Variants in NF1 observed in about 807,000 individuals in gnomAD.
NF1 encodes neurofibromin 1, also known as neurofibromin.
Under a neutral mutation model 325.7 loss-of-function variants are expected in NF1, and 122 were observed. That is an observed-to-expected ratio of 0.37 (90% CI 0.32 to 0.44). The LOEUF is 0.44. NF1 is among the 20% of genes least tolerant of loss of function. The probability of loss-of-function intolerance (pLI) is 1.00; values close to 1 mark genes in which losing one functional copy is unlikely to be tolerated. For missense variants in NF1, 2,140 were observed against 3,415.4 expected, an observed-to-expected ratio of 0.63 and a Z score of 9.31; for synonymous variants, 1,091 against 1,186.0, an observed-to-expected ratio of 0.92 and a Z score of 1.65.
rs145556333 is a variant in NF1 at position 31,365,209 on chromosome 17, G to T, written c.8377+4506G>T. Among the ~76,000 whole-genome samples the T allele has an allele frequency of 1.8e-4, 27 of 148,908 alleles. 1 individual carries two copies. The East Asian group carries it at 5.3e-3, about 29-fold the overall frequency. On this transcript the variant is annotated intron_variant, in intron 57 of 57. Coordinates refer to ENST00000358273, the MANE Select transcript of NF1 (RefSeq NM_001042492.3). ...CTGGGGTGGGAGAATCACCTGAGCC[G>T]GAGAGGTCAAGGCTGTGGTGAGCTG...
chr17:31,351,552 G>A (rs1306795678), intron 50 of NF1, among the ~76,000 whole-genome samples: 1 of 152,160 alleles, frequency 6.6e-6, no homozygotes, highest in Non-Finnish European at 1.5e-5. Flanking sequence ...GAGTAGCTGG[G>A]ATTACAGGCG....
chr17:31,174,773 A>G (rs978586248), intron 5 of NF1, among the ~76,000 whole-genome samples: 1 of 152,148 alleles, frequency 6.6e-6, no homozygotes, highest in Non-Finnish European at 1.5e-5. Flanking sequence ...AAAATACATG[A>G]TATGTTTTAA....
intron 51 of NF1, among the ~76,000 whole-genome samples, chr17:31,355,344 C>T (rs1393290474): frequency 6.6e-6 from 1 of 152,170 alleles, no homozygotes; most frequent in Non-Finnish European, 1.5e-5. Flanking sequence ...CTACCTCAGA[C>T]TAATTACTTA....
In NF1 at chr17:31,095,345, C is replaced by G. The variant is rs786203866; in HGVS notation, c.36C>G (p.Ala12=). The part of the protein sequence containing the change: ...AAHRPVEWVQ[A]VVSRFDEQLP... The stretch of plus-strand genomic sequence containing the variant: ...ACAGGCCGGTGGAATGGGTCCAGGC[C>G]GTGGTCAGCCGCTTCGACGAGCAGG... The change falls in exon 1 of 58, where the codon GCC becomes GCG. Residue 12 remains alanine (A), a synonymous_variant. Coordinates refer to ENST00000358273, the MANE Select transcript of NF1 (RefSeq NM_001042492.3). 1 of 1,539,810 alleles carries G rather than the reference C, an allele frequency of 6.5e-7. No individual in the cohort carries two copies. Among genetic ancestry groups the G allele is most frequent in the Non-Finnish European group, 8.7e-7 (1 of 1,146,508 alleles).
At position 31,374,764 on chromosome 17, in the gene NF1, T is replaced by C. The variant is rs914738423; in HGVS notation, c.*609T>C. On this transcript the variant is annotated 3_prime_UTR_variant, in exon 58 of 58. Transcript: ENST00000358273. Reference sequence around the variant, plus strand: ...GGGGGGAGGGCAGGGAAATTTCATATTTTATAGTGGATTCTTAAGAAATAC... The same window carrying C: ...GGGGGGAGGGCAGGGAAATTTCATACTTTATAGTGGATTCTTAAGAAATAC... 8.1e-5 allele frequency: 19 copies of C among 234,048 alleles called. No homozygotes were observed. Among genetic ancestry groups the C allele is most frequent in the Middle Eastern group, 1.2e-3 (1 of 806 alleles). 14.5% of individuals were successfully genotyped at this position (234,048 alleles called of 1,614,324 possible).
chr17:31,149,721 A>G (rs566877259), intron 1 of NF1, among the ~76,000 whole-genome samples: 5 of 152,178 alleles, frequency 3.3e-5, no homozygotes, highest in Non-Finnish European at 7.3e-5. Context: ...AATCAATGAC[A>G]ATGGGTAGAT....
chr17:31,325,085 T>G (rs1003374426), intron 36 of NF1, among the ~76,000 whole-genome samples: 1 of 152,200 alleles, frequency 6.6e-6, no homozygotes, highest in Admixed American at 6.5e-5. Context: ...AAGCAACATA[T>G]GACCTAATAT....
intron 27 of NF1, among the ~76,000 whole-genome samples, chr17:31,234,859 T>C (rs2067174324): frequency 6.6e-6 from 1 of 152,106 alleles, no homozygotes; most frequent in African/African-American, 2.4e-5. Context: ...TTGTTGTTAC[T>C]GCTTGAGGAT....
chr17:31,313,312 A>G (rs573522169), intron 36 of NF1, among the ~76,000 whole-genome samples: 1 of 152,308 alleles, frequency 6.6e-6, no homozygotes, highest in East Asian at 1.9e-4. Flanking sequence ...TGGAGGTTAT[A>G]AATTCAGTCA....
In NF1 at chr17:31,135,764, A is replaced by G. The variant is rs1014589595; in HGVS notation, c.61-20219A>G. The stretch of plus-strand genomic sequence containing the variant: ...AAACATTTTTTTTTTTTGTAGGGAC[A>G]GCATCTTACTGTGTTTCCCAGGGGC... On this transcript the variant is annotated intron_variant, in intron 1 of 57. Transcript: ENST00000358273. Among the ~76,000 whole-genome samples, 16 of 151,748 alleles carry G rather than the reference A, an allele frequency of 1.1e-4. No individual in the cohort carries two copies. In the East Asian group the frequency reaches 3.1e-3, roughly 30 times the overall value.
Position 31,095,383 on chromosome 17 carries a change from G to T in NF1, c.60+14G>T. 6.5e-7 allele frequency: 1 copy of T among 1,538,414 alleles called. No individual in the cohort carries two copies. ...TTCGACGAGCAGGTAACCGGCCCGT[G>T]GCGGGCGGGAGGTGGGAGCGGAGTG... is the stretch of plus-strand genomic sequence containing the variant. On this transcript the variant is annotated intron_variant, in intron 1 of 57. Coordinates refer to ENST00000358273, the MANE Select transcript of NF1 (RefSeq NM_001042492.3).
intron 13 of NF1, among the ~76,000 whole-genome samples, chr17:31,216,359 T>G (rs2066819751): frequency 6.6e-6 from 1 of 152,134 alleles, no homozygotes; most frequent in South Asian, 2.1e-4. Flanking sequence ...GGTTAATAAG[T>G]TTTCTCAAGG....
intron 37 of NF1, 73 bp from the exon 38 acceptor site, chr17:31,327,426 C>G: frequency 8.3e-7 from 1 of 1,205,462 alleles, no homozygotes; most frequent in Non-Finnish European, 1.2e-6. Context: ...TGGTTGGTTT[C>G]TGGAGCCTTT....
intron 13 of NF1, among the ~76,000 whole-genome samples, chr17:31,217,315 CT>C (rs67301567): frequency 0.92 from 133,574 of 144,430 alleles, 61,444 homozygotes; most frequent in East Asian, 1. Context: ...ATATATTCTT[CT>C]TTTTTTTTTT....
At chr17:31,349,731 A>G (rs1464533440) in intron 49 of NF1, among the ~76,000 whole-genome samples, 1 of 152,108 alleles carries the variant, frequency 6.6e-6, no homozygotes, top group African/African-American at 2.4e-5. Context: ...TATCCCCACC[A>G]TTCCATTAAA....
At chr17:31,114,022 G>T (rs757191694) in intron 1 of NF1, among the ~76,000 whole-genome samples, 13 of 152,042 alleles carry the variant, frequency 8.6e-5, no homozygotes, top group Non-Finnish European at 1.6e-4. Context: ...TGAATATCCT[G>T]TTACCTAGGG....
intron 29 of NF1, among the ~76,000 whole-genome samples, chr17:31,243,188 G>A (rs944534202): frequency 6.8e-6 from 1 of 146,556 alleles, no homozygotes; most frequent in African/African-American, 2.7e-5. Flanking sequence ...CTCTGTCTGT[G>A]TGTGTGTGTG....
chr17:31,211,193 A>C (rs994331763), intron 12 of NF1, among the ~76,000 whole-genome samples: 1 of 152,202 alleles, frequency 6.6e-6, no homozygotes, highest in African/African-American at 2.4e-5. Context: ...TGGCCAGATC[A>C]CATGTACCAG....
intron 39 of NF1, 181 bp downstream of exon 39, chr17:31,330,679 C>T: frequency 1.7e-6 from 1 of 593,276 alleles, no homozygotes. Flanking sequence ...TTTTGGTAGG[C>T]CACATTGAGA....
Sources: allele counts gnomAD v4.1 joint callset (sites outside exome capture counted in the v4.1 genomes callset), GRCh38; gene constraint gnomAD v4.1.1; transcripts MANE v1.5; gene names NCBI Gene and HGNC (gene_info 2026-07-23, HGNC 2026-07-21).